DGKB: variants seen among roughly 807,000 people sequenced by gnomAD.
DGKB encodes diacylglycerol kinase beta.
Under a neutral mutation model 114.3 loss-of-function variants are expected in DGKB, and 67 were observed. That is an observed-to-expected ratio of 0.59 (90% CI 0.48 to 0.72). The LOEUF is 0.72. DGKB is among the 30% of genes least tolerant of loss of function. DGKB has a pLI of 0.00. For missense variants in DGKB, 907 were observed against 975.2 expected (o/e 0.93, Z 0.93); for synonymous variants, 398 against 323.1 (o/e 1.23, Z -2.49).
intron 9 of DGKB, among the ~76,000 whole-genome samples, chr7:14,693,569 C>A (rs764688197): frequency 6.6e-6 from 1 of 150,542 alleles, no homozygotes; most frequent in Non-Finnish European, 1.5e-5. Flanking sequence ...AAAGTCATTG[C>A]GTTTTCTGCC....
chr7:14,474,583 G>A lies in DGKB; in HGVS notation c.1835+3578C>T, dbSNP rs148448927. Among the ~76,000 whole-genome samples, 269 of 151,998 alleles carry A rather than the reference G, an allele frequency of 1.8e-3. 2 individuals are homozygous for A. Among genetic ancestry groups the A allele is most frequent in the Non-Finnish European group, 1.8e-3 (125 of 67,970 alleles). ...GCATGTTTTTCTAAAATCATTATAC[G>A]CCTTTATAATTGCCCTTTTTAATGT... On this transcript the variant is annotated intron_variant, in intron 21 of 25. Transcript: ENST00000402815.
chr7:14,957,882 G>T (rs1459594064), intron 1 of DGKB, among the ~76,000 whole-genome samples: 1 of 151,938 alleles, frequency 6.6e-6, no homozygotes. Flanking sequence ...GATAGTGAAA[G>T]TTCAAAATTT....
At chr7:14,496,571 C>T (rs1207715829) in intron 20 of DGKB, among the ~76,000 whole-genome samples, 1 of 151,744 alleles carries the variant, frequency 6.6e-6, no homozygotes, top group Non-Finnish European at 1.5e-5. Flanking sequence ...AAACACTGTG[C>T]TAGGTTCTGA....
upstream of DGKB, among the ~76,000 whole-genome samples, chr7:14,904,141 G>C (rs1337313144): frequency 6.6e-6 from 1 of 152,050 alleles, no homozygotes; most frequent in African/African-American, 2.4e-5. Flanking sequence ...TTAATTACTA[G>C]TAACATTTGC....
chr7:14,262,043 AAGATG>A (rs1490427723), intron 23 of DGKB, among the ~76,000 whole-genome samples: 1 of 152,198 alleles, frequency 6.6e-6, no homozygotes, highest in East Asian at 1.9e-4. Context: ...AATAATCAAG[AAGATG>A]TATTTATCCT....
chr7:14,245,877 A>G (rs1794401728), intron 23 of DGKB, among the ~76,000 whole-genome samples: 1 of 152,130 alleles, frequency 6.6e-6, no homozygotes. Flanking sequence ...GCAGTGAGCC[A>G]AGATCATGCC....
chr7:14,514,526 C>G (rs1788475307), intron 20 of DGKB, among the ~76,000 whole-genome samples: 1 of 152,006 alleles, frequency 6.6e-6, no homozygotes. Flanking sequence ...TGTTTATTGA[C>G]AGATTTGAAT....
chr7:14,248,017 AT>A (rs921323917), intron 23 of DGKB, among the ~76,000 whole-genome samples: 2 of 151,852 alleles, frequency 1.3e-5, no homozygotes, highest in Admixed American at 6.6e-5. Context: ...TTTTAGGTTG[AT>A]TTTTTTTATA....
At chr7:14,945,503 C>T (rs1785823417) in intron 1 of DGKB, among the ~76,000 whole-genome samples, 1 of 151,774 alleles carries the variant, frequency 6.6e-6, no homozygotes, top group African/African-American at 2.4e-5. Flanking sequence ...AAAAACTGAT[C>T]TGGTTACAAA....
chr7:14,670,437 G>A (rs922503679), intron 13 of DGKB, among the ~76,000 whole-genome samples: 2 of 151,820 alleles, frequency 1.3e-5, no homozygotes, highest in African/African-American at 4.8e-5. Flanking sequence ...TCAGTAGCTG[G>A]GATTACAGGT....
rs1039456442 is a variant in DGKB at position 14,457,952 on chromosome 7, G to A, written c.1835+20209C>T. On this transcript the variant is annotated intron_variant, in intron 21 of 25. Coordinates refer to ENST00000402815, the MANE Select transcript of DGKB (RefSeq NM_001350709.2). The stretch of plus-strand genomic sequence containing the variant: ...TGACTTTGCCAGTATGCTTAATAGG[G>A]AAGGACTCATCCAGTGTTCTCTGGA... Among the ~76,000 whole-genome samples the A allele has an allele frequency of 1.3e-5, 2 of 152,218 alleles. 1 individual carries two copies. Among genetic ancestry groups the A allele is most frequent in the African/African-American group, 4.8e-5 (2 of 41,446 alleles).
chr7:14,681,563 T>G (rs903497900), intron 12 of DGKB, among the ~76,000 whole-genome samples: 2 of 152,018 alleles, frequency 1.3e-5, no homozygotes, highest in Non-Finnish European at 2.9e-5. Flanking sequence ...ACTGATTCAG[T>G]GCCTCCTACT....
chr7:14,880,713 C>T (rs1854089815), intron 1 of DGKB, among the ~76,000 whole-genome samples: 1 of 152,108 alleles, frequency 6.6e-6, no homozygotes, highest in Admixed American at 6.5e-5. Context: ...CTCTTTTTAA[C>T]AAAATGCTTA....
chr7:14,645,802 A>G (rs1812865135), intron 13 of DGKB, among the ~76,000 whole-genome samples: 1 of 152,164 alleles, frequency 6.6e-6, no homozygotes, highest in South Asian at 2.1e-4. Context: ...GAGGGAATTC[A>G]TCATCACCAG....
Position 14,607,481 on chromosome 7 carries a change from T to G in DGKB, c.1386A>C (p.Leu462Phe), listed in dbSNP as rs199497669. ...ERIYRKFQYL[L>F]NPRQVYSLSG... ...AAAGACTGTAAACCTGACGAGGATT[T>G]AATAGATACTGGAATTTTCTGTAAA... is the stretch of plus-strand genomic sequence containing the variant. The change falls in exon 17 of 26, where the codon TTA becomes TTC. Residue 462 changes from leucine (L) to phenylalanine (F), a missense_variant. Physicochemically the swap from Leu to Phe is conservative, Grantham distance 22. Transcript: ENST00000402815. 1.9e-6 allele frequency: 3 copies of G among 1,585,004 alleles called. No individual in the cohort carries two copies. Among genetic ancestry groups the G allele is most frequent in the Non-Finnish European group, 2.6e-6 (3 of 1,155,684 alleles).
At chr7:14,231,379 C>T (rs1791816657) in intron 23 of DGKB, among the ~76,000 whole-genome samples, 1 of 151,906 alleles carries the variant, frequency 6.6e-6, no homozygotes, top group Non-Finnish European at 1.5e-5. Flanking sequence ...CTCAAGCCAT[C>T]CACCTGCCTT....
chr7:14,594,344 T>C (rs550374565), intron 17 of DGKB, among the ~76,000 whole-genome samples: 112 of 151,876 alleles, frequency 7.4e-4, no homozygotes, highest in Admixed American at 1.5e-3. Context: ...TGTACTGATA[T>C]GCATATATAT....
intron 12 of DGKB, among the ~76,000 whole-genome samples, chr7:14,681,131 A>T (rs1012294876): frequency 1.3e-5 from 2 of 151,766 alleles, no homozygotes; most frequent in Non-Finnish European, 2.9e-5. Context: ...ACTGGTTTTT[A>T]AAAATCTACA....
intron 16 of DGKB, among the ~76,000 whole-genome samples, chr7:14,612,655 T>G (rs1805774456): frequency 6.6e-6 from 1 of 151,994 alleles, no homozygotes; most frequent in South Asian, 2.1e-4. Context: ...CTTGCTTATT[T>G]TTGGTTGAGA....
Sources: allele counts gnomAD v4.1 joint callset (sites outside exome capture counted in the v4.1 genomes callset), GRCh38; gene constraint gnomAD v4.1.1; transcripts MANE v1.5; gene names NCBI Gene and HGNC (gene_info 2026-07-23, HGNC 2026-07-21).